The following TGM7 variants were observed in gnomAD, a reference collection of about 807,000 sequenced individuals.
The protein encoded by TGM7 is transglutaminase 7.
A neutral mutation model predicts 79.5 loss-of-function variants in TGM7; 74 were observed. The observed-to-expected ratio is 0.93, with a 90% confidence interval of 0.77 to 1.13. The LOEUF (loss-of-function observed/expected upper bound fraction) is 1.13. TGM7 is among the 50% of genes most tolerant of loss of function. TGM7 has a pLI of 0.00. For missense variants in TGM7, 912 were observed against 905.9 expected, an observed-to-expected ratio of 1.01 and a Z score of -0.09; for synonymous variants, 354 against 362.5, an observed-to-expected ratio of 0.98 and a Z score of 0.27.
In TGM7 at chr15:43,280,070, GCTTGCTGGGTTCAAATC is replaced by G. The variant is rs1378614322; in HGVS notation, c.1352-136_1352-120del. 8 of 843,564 alleles carry G rather than the reference GCTTGCTGGGTTCAAATC, an allele frequency of 9.5e-6. No individual in the cohort carries two copies. In the Admixed American group the frequency reaches 2.1e-4, roughly 22 times the overall value. The allele number at this position is 843,564 out of a possible 1,614,324, so 52.3% of individuals were successfully genotyped here. ...AGGGAGGCGGCGCGGCTCAGGTGCT[GCTTGCTGGGTTCAAATC>G]CTTGCTCTGTCACAGTCCTTTAATC... On this transcript the variant is annotated intron_variant, in intron 9 of 12. Coordinates refer to ENST00000452443, the MANE Select transcript of TGM7 (RefSeq NM_052955.3).
intron 10 of TGM7, 35 bp downstream of exon 10, chr15:43,279,590 C>A: frequency 6.5e-7 from 1 of 1,538,672 alleles, no homozygotes; most frequent in African/African-American, 1.4e-5. Context: ...GCTCCCCTCC[C>A]TGTAGGTGCC....
At chr15:43,286,162 G>A (rs1318371085) in intron 6 of TGM7, among the ~76,000 whole-genome samples, 2 of 152,174 alleles carry the variant, frequency 1.3e-5, no homozygotes, top group African/African-American at 2.4e-5. Context: ...CACAGCTCCT[G>A]GGCTTGTCAC....
rs767614539 is a variant in TGM7, at chr15:43,293,671, C to A, written c.11-40G>T. 2.7e-6 allele frequency: 4 copies of A among 1,501,414 alleles called. No individual in the cohort carries two copies. The African/African-American group carries it at 4.3e-5, about 16-fold the overall frequency. The allele number at this position is 1,501,414 out of a possible 1,614,324, so 93.0% of individuals were successfully genotyped here. Reference sequence around the variant, plus strand: ...GGGACAGGTCACGCCCACCTGCAGTCCCCTGGGCTCAGGCATCCCTTGTGG... The same window carrying A: ...GGGACAGGTCACGCCCACCTGCAGTACCCTGGGCTCAGGCATCCCTTGTGG... On this transcript the variant is annotated intron_variant, in intron 1 of 12. Coordinates refer to ENST00000452443, the MANE Select transcript of TGM7 (RefSeq NM_052955.3).
intron 7 of TGM7, 147 bp downstream of exon 7, chr15:43,284,667 G>T: frequency 1.0e-6 from 1 of 974,358 alleles, no homozygotes; most frequent in Non-Finnish European, 1.5e-6. Flanking sequence ...CAGCCTCCTG[G>T]GTTGGGGAAT....
At position 43,276,404 on chromosome 15, in the gene TGM7, AAGG is replaced by A. The variant is rs775221752; in HGVS notation, c.*48_*50del. On this transcript the variant is annotated 3_prime_UTR_variant, in exon 13 of 13. Coordinates refer to ENST00000452443, the MANE Select transcript of TGM7 (RefSeq NM_052955.3). ...CCAAGACGACATAGCCAGGAGTAGA[AAGG>A]AGCCAGGTGGGGCAGGGGTGCCAGG... 7 of 1,575,178 alleles carry A rather than the reference AAGG, an allele frequency of 4.4e-6. No individual in the cohort carries two copies. The highest frequency in any genetic ancestry group is 6.0e-6 in the Non-Finnish European group (7 of 1,161,756).
At chr15:43,299,348 G>A (rs2142424577) in intron 1 of TGM7, among the ~76,000 whole-genome samples, 1 of 152,332 alleles carries the variant, frequency 6.6e-6, no homozygotes, top group Admixed American at 6.5e-5. Flanking sequence ...TAAGCCAAAG[G>A]CTCATGAGGA....
chr15:43,299,441 T>C (rs1328151389), intron 1 of TGM7, among the ~76,000 whole-genome samples: 2 of 152,248 alleles, frequency 1.3e-5, no homozygotes, highest in Admixed American at 1.3e-4. Flanking sequence ...TATGGCAGGC[T>C]AATAAACATT....
At chr15:43,300,672 G>T (rs1033688632) in intron 1 of TGM7, among the ~76,000 whole-genome samples, 5 of 152,122 alleles carry the variant, frequency 3.3e-5, no homozygotes, top group African/African-American at 1.2e-4. Context: ...GTGGTAGCGG[G>T]CGCCTGTAGT....
chr15:43,283,932 G>A (rs1309882673), intron 7 of TGM7, among the ~76,000 whole-genome samples: 3 of 152,240 alleles, frequency 2.0e-5, no homozygotes, highest in Admixed American at 1.3e-4. Flanking sequence ...TGGAGGCTGG[G>A]TGCGGTGGCT....
intron 12 of TGM7, 56 bp from the exon 13 acceptor site, chr15:43,276,670 G>A: frequency 6.3e-7 from 1 of 1,577,922 alleles, no homozygotes; most frequent in South Asian, 1.2e-5. Flanking sequence ...GGCGGCAGGG[G>A]TGATCTGGTT....
chr15:43,297,478 A>G (rs1368228967), intron 1 of TGM7, among the ~76,000 whole-genome samples: 2 of 147,826 alleles, frequency 1.4e-5, no homozygotes, highest in Non-Finnish European at 3.0e-5. Context: ...AGAGACAGAA[A>G]GAGAGAAAGA....
Position 43,287,547 on chromosome 15 carries a change from A to G in TGM7, c.681T>C (p.Ser227=), listed in dbSNP as rs2042942187. The change falls in exon 5 of 13, where the codon AGT becomes AGC. Residue 227 remains serine (S), a synonymous_variant. Transcript: ENST00000452443. Reference sequence around the variant, plus strand: ...GGGAAGCATCCATCCTTACCATGGCACTCACCACCCTGCACACATACACCA... The same window carrying G: ...GGGAAGCATCCATCCTTACCATGGCGCTCACCACCCTGCACACATACACCA... ...NDVVYVCRVV[S]AMINSNDDNG... The G allele has an allele frequency of 6.2e-7, 1 of 1,613,680 alleles. No homozygotes were observed. Among genetic ancestry groups the G allele is most frequent in the African/African-American group, 1.3e-5 (1 of 75,004 alleles).
chr15:43,296,455 C>G (rs919745690), intron 1 of TGM7, among the ~76,000 whole-genome samples: 1 of 148,988 alleles, frequency 6.7e-6, no homozygotes, highest in South Asian at 2.1e-4. Context: ...AGTCAGAGAG[C>G]AGCTGGCCTC....
In TGM7 at chr15:43,279,717, A is replaced by C. The variant is rs766107789; in HGVS notation, c.1586T>G (p.Val529Gly). 6.2e-7 allele frequency: 1 copy of C among 1,614,042 alleles called. No homozygotes were observed. The highest frequency in any genetic ancestry group is 8.5e-7 in the Non-Finnish European group (1 of 1,180,040). Residue 529 changes from valine to glycine, a missense_variant, in exon 10 of 13, where the codon GTG (valine) becomes GGG (glycine). Transcript: ENST00000452443. ...THPRGPIGLV[V>G]RFCAQALLHG... ...CAGCAGGGCCTGTGCACAGAAGCGCACCACCAGTCCGATGGGCCCCCGAGG... is the reference window on the plus strand; with the variant it reads ...CAGCAGGGCCTGTGCACAGAAGCGCCCCACCAGTCCGATGGGCCCCCGAGG...
At chr15:43,301,997 C>T (rs1332775176) in intron 1 of TGM7, 3 of 566,578 alleles carry the variant, frequency 5.3e-6, no homozygotes, top group Non-Finnish European at 9.5e-6. Context: ...GCCATTTCAG[C>T]CCCCCAGGTT....
chr15:43,290,223 T>A (rs2042956926), intron 4 of TGM7, among the ~76,000 whole-genome samples: 1 of 152,198 alleles, frequency 6.6e-6, no homozygotes, highest in Non-Finnish European at 1.5e-5. Context: ...CTTTAATCCA[T>A]CTTGAATTAA....
chr15:43,292,535 A>G (rs1566846333), intron 3 of TGM7, among the ~76,000 whole-genome samples, 174 bp downstream of exon 3: 2 of 152,240 alleles, frequency 1.3e-5, no homozygotes, highest in Non-Finnish European at 2.9e-5. Flanking sequence ...ACATCACGTC[A>G]TGAATACTTT....
intron 1 of TGM7, among the ~76,000 whole-genome samples, chr15:43,298,022 G>A (rs1029169637): frequency 5.9e-5 from 9 of 152,324 alleles, no homozygotes; most frequent in South Asian, 2.1e-4. Flanking sequence ...ACCAATGCCC[G>A]GCATTGTTTA....
rs140915623 is a variant in TGM7, at chr15:43,276,966, C to T, written c.1869G>A (p.Ala623=). The T allele has an allele frequency of 9.3e-5, 150 of 1,613,948 alleles. 2 individuals carry two copies. Among genetic ancestry groups the T allele is most frequent in the Admixed American group, 8.3e-5 (5 of 59,984 alleles). ...TGGTGAGGGTGACATGGACTCTCAG[C>T]GCCTTGCCCACCTCAGCCCTCTCAG... The part of the protein sequence containing the change: ...EVSERAEVGK[A]LRVHVTLTNT... The change falls in exon 12 of 13, where the codon GCG becomes GCA. Residue 623 remains alanine, a synonymous_variant. Transcript: ENST00000452443.
Sources: allele counts gnomAD v4.1 joint callset (sites outside exome capture counted in the v4.1 genomes callset), GRCh38; gene constraint gnomAD v4.1.1; transcripts MANE v1.5; gene names NCBI Gene and HGNC (gene_info 2026-07-23, HGNC 2026-07-21).